XKR4: variants seen among roughly 807,000 people sequenced by gnomAD.
XKR4 encodes XK-related protein 4.
XKR4 carries 12 observed loss-of-function variants against 53.9 expected under a neutral mutation model. That is an observed-to-expected ratio of 0.22 (90% CI 0.14 to 0.36). The LOEUF is 0.36. Among genes scored for constraint, XKR4 ranks in the 10% least tolerant of loss-of-function variants. The probability of loss-of-function intolerance (pLI) is 1.00; values close to 1 mark genes in which losing one functional copy is unlikely to be tolerated. For synonymous variants in XKR4, 354 were observed against 362.4 expected (o/e 0.98, Z 0.26); for missense variants, 799 against 859.5 (o/e 0.93, Z 0.88).
chr8:55,451,439 C>T, intron 2 of XKR4: 1 of 1,219,412 alleles, frequency 8.2e-7, no homozygotes, highest in Non-Finnish European at 1.2e-6. Flanking sequence ...GAGCTGACAA[C>T]AGCCTGCAGG....
chr8:55,141,671 C>CTCTCTCTCTG lies in XKR4; in HGVS notation c.806+38378_806+38379insCTCTCTCTGT, dbSNP rs748708972. Among the ~76,000 whole-genome samples the CTCTCTCTCTG allele has an allele frequency of 6.9e-4, 93 of 135,272 alleles. 3 individuals carry two copies. In the South Asian group the frequency reaches 9.4e-3, roughly 14 times the overall value. 88.7% of individuals were successfully genotyped at this position (135,272 alleles called of 152,430 possible). A position where few individuals can be genotyped will look rare whatever the true frequency, so the allele number is the denominator to read the frequency against. On this transcript the variant is annotated intron_variant, in intron 1 of 2. Coordinates refer to ENST00000327381, the MANE Select transcript of XKR4 (RefSeq NM_052898.2). ...TCTCTCTCTCTCTCTCTCTCTCTCT[C>CTCTCTCTCTG]TGTGTGTGTGTGTGTGTGTCTCTCT... is the stretch of plus-strand genomic sequence containing the variant.
chr8:55,499,910 C>T (rs142141750), intron 2 of XKR4, among the ~76,000 whole-genome samples: 270 of 152,200 alleles, frequency 1.8e-3, no homozygotes, highest in African/African-American at 6.2e-3. Context: ...TAGGTGTGCC[C>T]TCCTTGTGTC....
intron 1 of XKR4, chr8:55,164,209 A>T: frequency 2.2e-6 from 1 of 456,580 alleles, no homozygotes; most frequent in Non-Finnish European, 4.4e-6. Flanking sequence ...GCCTCCCCAC[A>T]GCACCTTTCC....
At chr8:55,365,100 G>A (rs909649352) in intron 2 of XKR4, among the ~76,000 whole-genome samples, 1 of 152,182 alleles carries the variant, frequency 6.6e-6, no homozygotes, top group African/African-American at 2.4e-5. Context: ...GTAGGACCAG[G>A]GCAAAGTGGT....
chr8:55,454,709 A>G, intron 2 of XKR4: 1 of 840,934 alleles, frequency 1.2e-6, no homozygotes, highest in Non-Finnish European at 2.1e-6. Context: ...TGGACGGCAT[A>G]GATGAGGCCG....
chr8:55,337,432 G>A (rs1234511409), intron 1 of XKR4, among the ~76,000 whole-genome samples: 1 of 152,126 alleles, frequency 6.6e-6, no homozygotes. Flanking sequence ...ATGAATCAGG[G>A]CCATGTTTCT....
At chr8:55,324,762 AC>A (rs1347260622) in intron 1 of XKR4, among the ~76,000 whole-genome samples, 21 of 152,178 alleles carry the variant, frequency 1.4e-4, no homozygotes, top group Non-Finnish European at 2.4e-4. Context: ...ACAGGAAATA[AC>A]TTTTCCAAGA....
intron 1 of XKR4, among the ~76,000 whole-genome samples, chr8:55,331,844 G>A (rs896651731): frequency 7.2e-5 from 11 of 151,980 alleles, no homozygotes; most frequent in African/African-American, 2.7e-4. Context: ...TATAAGATAT[G>A]TGTCTTACAG....
intron 2 of XKR4, among the ~76,000 whole-genome samples, chr8:55,512,912 C>T (rs549560779): frequency 6.6e-6 from 1 of 152,278 alleles, no homozygotes; most frequent in South Asian, 2.1e-4. Flanking sequence ...CCCAGCTCTC[C>T]TACCAGAAAA....
intron 1 of XKR4, among the ~76,000 whole-genome samples, chr8:55,352,917 C>T (rs539169172): frequency 6.6e-6 from 1 of 152,314 alleles, no homozygotes; most frequent in Non-Finnish European, 1.5e-5. Flanking sequence ...CTAGATTTAG[C>T]TTAATGGATG....
chr8:55,240,573 G>A (rs2129368185), intron 1 of XKR4, among the ~76,000 whole-genome samples: 1 of 152,184 alleles, frequency 6.6e-6, no homozygotes, highest in South Asian at 2.1e-4. Context: ...AATCATTTGA[G>A]CCTCATTATC....
At chr8:55,209,056 TCTC>T (rs1440984713) in intron 1 of XKR4, among the ~76,000 whole-genome samples, 1 of 152,180 alleles carries the variant, frequency 6.6e-6, no homozygotes, top group African/African-American at 2.4e-5. Context: ...TCCCAAAAGA[TCTC>T]CTGTGGCTCA....
chr8:55,330,528 C>A (rs1803368006), intron 1 of XKR4, among the ~76,000 whole-genome samples: 1 of 152,038 alleles, frequency 6.6e-6, no homozygotes, highest in Non-Finnish European at 1.5e-5. Context: ...ACATTGTTGT[C>A]CAGAGTAAAT....
At chr8:55,184,680 T>C (rs2129360225) in intron 1 of XKR4, among the ~76,000 whole-genome samples, 1 of 152,214 alleles carries the variant, frequency 6.6e-6, no homozygotes, top group East Asian at 1.9e-4. Context: ...TAAGTACGTG[T>C]TAAATAAGGG....
At chr8:55,259,696 T>A (rs149287964) in intron 1 of XKR4, among the ~76,000 whole-genome samples, 26 of 152,314 alleles carry the variant, frequency 1.7e-4, no homozygotes, top group African/African-American at 6.0e-4. Flanking sequence ...ATTAGCCCTA[T>A]TGATCTACCT....
intron 1 of XKR4, among the ~76,000 whole-genome samples, chr8:55,118,450 T>A (rs915785696): frequency 6.6e-6 from 1 of 152,214 alleles, no homozygotes; most frequent in African/African-American, 2.4e-5. Context: ...TCTCTCTCTC[T>A]GAGGCCACTA....
At chr8:55,412,033 T>A (rs1362030969) in intron 2 of XKR4, among the ~76,000 whole-genome samples, 1 of 152,204 alleles carries the variant, frequency 6.6e-6, no homozygotes, top group Non-Finnish European at 1.5e-5. Flanking sequence ...TTATGGCAGT[T>A]GAAAATTTCA....
rs1285301668 is a variant in XKR4, at chr8:55,527,064, G to C, written c.*2837G>C. ...AAAACAAGAGATAAATCATGATTTA[G>C]CCTTGCTTCCATGATTCAGGAAGCA... On this transcript the variant is annotated 3_prime_UTR_variant, in exon 3 of 3. Coordinates refer to ENST00000327381, the MANE Select transcript of XKR4 (RefSeq NM_052898.2). 1 of 152,130 alleles carries C rather than the reference G, an allele frequency of 6.6e-6. No individual in the cohort carries two copies. Among genetic ancestry groups the C allele is most frequent in the African/African-American group, 2.4e-5 (1 of 41,430 alleles). 9.4% of individuals were successfully genotyped at this position (152,130 alleles called of 1,614,324 possible). A position where few individuals can be genotyped will look rare whatever the true frequency, so the allele number is the denominator to read the frequency against.
At chr8:55,407,167 G>T (rs1804695602) in intron 2 of XKR4, among the ~76,000 whole-genome samples, 1 of 152,162 alleles carries the variant, frequency 6.6e-6, no homozygotes. Flanking sequence ...ATCACAGGGA[G>T]CCTGGGGTGT....
Sources: gnomAD v4.1 joint callset for allele counts (sites outside exome capture counted in the v4.1 genomes callset) on GRCh38, gnomAD v4.1.1 for gene constraint, MANE v1.5 for transcripts, NCBI Gene and HGNC (gene_info 2026-07-23, HGNC 2026-07-21) for gene names.